The following CHST8 variants were observed in gnomAD, a reference collection of about 807,000 sequenced individuals.
CHST8 encodes the protein carbohydrate sulfotransferase 8.
CHST8 carries 10 observed loss-of-function variants against 15.0 expected under a neutral mutation model. The ratio of observed to expected loss-of-function variants is 0.67; its 90% CI spans 0.41 to 1.13. The LOEUF (loss-of-function observed/expected upper bound fraction) is 1.13, where lower values mean the gene tolerates loss of function less well. CHST8 is among the 50% of genes most tolerant of loss of function. The pLI is 0.00. For missense variants in CHST8, 634 were observed against 608.2 expected (o/e 1.04, Z -0.45); for synonymous variants, 259 against 256.6 (o/e 1.01, Z -0.09).
chr19:33,694,041 G>T (rs1019868704), intron 3 of CHST8, among the ~76,000 whole-genome samples: 43 of 127,570 alleles, frequency 3.4e-4, no homozygotes, highest in Admixed American at 1.7e-4. Context: ...TTTATTCATA[G>T]ATATGTATAT....
At chr19:33,685,354 C>T (rs1336746605) in intron 2 of CHST8, among the ~76,000 whole-genome samples, 2 of 143,234 alleles carry the variant, frequency 1.4e-5, no homozygotes. Flanking sequence ...TTAATTGGAT[C>T]TTTTTTTTTT....
chr19:33,753,039 G>C lies in CHST8; in HGVS notation c.131-18374G>C, dbSNP rs532427295. ...AAGCCACAGCCTTCCCTGCAGCCAG[G>C]GGGGTGCACTGGGGGCTGGGGGAAG... On this transcript the variant is annotated intron_variant, in intron 3 of 4. Coordinates refer to ENST00000650847, the MANE Select transcript of CHST8 (RefSeq NM_001127895.2). Among the ~76,000 whole-genome samples the C allele has an allele frequency of 3.3e-5, 5 of 152,250 alleles. No individual in the cohort carries two copies. In the South Asian group the frequency reaches 8.3e-4, roughly 25 times the overall value.
At chr19:33,681,369 G>C (rs900237941) in intron 2 of CHST8, among the ~76,000 whole-genome samples, 2 of 152,246 alleles carry the variant, frequency 1.3e-5, no homozygotes, top group Admixed American at 6.5e-5. Context: ...ACAAGGACAG[G>C]GTTGTCAAGA....
chr19:33,709,397 T>C (rs1973506317), intron 3 of CHST8, among the ~76,000 whole-genome samples: 1 of 151,998 alleles, frequency 6.6e-6, no homozygotes, highest in African/African-American at 2.4e-5. Flanking sequence ...TGTCTTCTAT[T>C]ACTAGTTTAT....
chr19:33,720,284 CACAT>C (rs915678010), intron 3 of CHST8, among the ~76,000 whole-genome samples: 37 of 151,842 alleles, frequency 2.4e-4, no homozygotes, highest in African/African-American at 8.7e-4. Context: ...AGGCCACACA[CACAT>C]ACACACTCCC....
chr19:33,769,821 C>T lies in CHST8; in HGVS notation c.131-1592C>T, dbSNP rs560512317. On this transcript the variant is annotated intron_variant, in intron 3 of 4. Transcript: ENST00000650847. ...GATCCCCCACATGCACGCATGTGCA[C>T]ATAAGCTTGGGAGTGCCCAGGAAGA... Among the ~76,000 whole-genome samples, 3 of 152,220 alleles carry T rather than the reference C, an allele frequency of 2.0e-5. No individual in the cohort carries two copies. The South Asian group carries it at 6.2e-4, about 32-fold the overall frequency.
In CHST8 at chr19:33,657,156, C is replaced by CACACAA. The variant is rs756944119; in HGVS notation, c.-163-10610_-163-10609insCACAAA. 3.7e-3 allele frequency among the ~76,000 whole-genome samples: 540 copies of CACACAA among 146,510 alleles called. 4 individuals carry two copies. The highest frequency in any genetic ancestry group is 0.012 in the East Asian group (63 of 5,152). ...ACACACACACACACACACACACACA[C>CACACAA]AAACACACATATACTTATACACACA... On this transcript the variant is annotated intron_variant, in intron 1 of 4. Transcript: ENST00000650847.
chr19:33,647,565 G>T (rs943940832), intron 1 of CHST8, among the ~76,000 whole-genome samples: 2 of 152,196 alleles, frequency 1.3e-5, no homozygotes, highest in Non-Finnish European at 1.5e-5. Flanking sequence ...GGGGAGATAG[G>T]CTTGGTGCGG....
At chr19:33,739,333 C>T (rs1974143480) in intron 3 of CHST8, among the ~76,000 whole-genome samples, 1 of 152,198 alleles carries the variant, frequency 6.6e-6, no homozygotes, top group South Asian at 2.1e-4. Flanking sequence ...CACAACATCC[C>T]CTGCCCTGCA....
intron 1 of CHST8, among the ~76,000 whole-genome samples, chr19:33,655,048 C>T (rs1039270540): frequency 6.6e-6 from 1 of 152,106 alleles, no homozygotes; most frequent in Non-Finnish European, 1.5e-5. Context: ...CACTTGAGCC[C>T]AGGAGTCTGA....
At chr19:33,727,948 G>A (rs991435976) in intron 3 of CHST8, among the ~76,000 whole-genome samples, 3 of 152,144 alleles carry the variant, frequency 2.0e-5, no homozygotes, top group East Asian at 1.9e-4. Flanking sequence ...GCCCAGCCCC[G>A]GCCCACACTC....
intron 1 of CHST8, among the ~76,000 whole-genome samples, chr19:33,667,348 A>C (rs149038714): frequency 6.6e-6 from 1 of 152,236 alleles, no homozygotes; most frequent in South Asian, 2.1e-4. Context: ...AGTCAGATCC[A>C]ATTCACACCC....
chr19:33,724,050 T>A (rs1973848052), intron 3 of CHST8, among the ~76,000 whole-genome samples: 1 of 152,120 alleles, frequency 6.6e-6, no homozygotes, highest in Non-Finnish European at 1.5e-5. Context: ...GGTGAGGTCT[T>A]GCGTCTCAGG....
intron 3 of CHST8, among the ~76,000 whole-genome samples, chr19:33,700,776 C>T (rs1973316941): frequency 6.6e-6 from 1 of 152,178 alleles, no homozygotes; most frequent in Non-Finnish European, 1.5e-5. Context: ...GAAAGCCAAG[C>T]CCCAGTTGCT....
rs757753329 is a variant in CHST8 at position 33,713,747 on chromosome 19, G to A, written c.130+24356G>A. On this transcript the variant is annotated intron_variant, in intron 3 of 4. Coordinates refer to ENST00000650847, the MANE Select transcript of CHST8 (RefSeq NM_001127895.2). Reference sequence around the variant, plus strand: ...GGCTAATTTTTGTGTTTTTAGTAGCGACAGGGTTTCACCATGTTGGCCAGG... The same window carrying A: ...GGCTAATTTTTGTGTTTTTAGTAGCAACAGGGTTTCACCATGTTGGCCAGG... Among the ~76,000 whole-genome samples, 6 of 152,032 alleles carry A rather than the reference G, an allele frequency of 3.9e-5. No individual in the cohort carries two copies. In the East Asian group the frequency reaches 7.7e-4, roughly 20 times the overall value.
rs1436125907 is a variant in CHST8 at position 33,772,864 on chromosome 19, T to C, written c.1076T>C (p.Leu359Pro). 1 of 1,613,400 alleles carries C rather than the reference T, an allele frequency of 6.2e-7. No individual in the cohort carries two copies. Among genetic ancestry groups the C allele is most frequent in the Non-Finnish European group, 8.5e-7 (1 of 1,180,044 alleles). ...ESMEDDANFFLSLIRAPRNLT... is the reference protein window; with the variant it reads ...ESMEDDANFFPSLIRAPRNLT... ...ATGGAGGACGATGCCAACTTCTTCCTGAGCCTCATCCGCGCGCCGCGGAAC... is the reference window on the plus strand; with the variant it reads ...ATGGAGGACGATGCCAACTTCTTCCCGAGCCTCATCCGCGCGCCGCGGAAC... Residue 359 changes from leucine (L) to proline (P), a missense_variant, in exon 5 of 5, where the codon CTG becomes CCG. Transcript: ENST00000650847.
intron 1 of CHST8, among the ~76,000 whole-genome samples, chr19:33,647,616 C>T (rs895833503): frequency 5.3e-5 from 8 of 151,942 alleles, no homozygotes; most frequent in East Asian, 3.9e-4. Context: ...GAGGCGGAGG[C>T]GGGTGGATCG....
At chr19:33,623,276 TG>T (rs1972009839) in intron 1 of CHST8, among the ~76,000 whole-genome samples, 1 of 152,206 alleles carries the variant, frequency 6.6e-6, no homozygotes, top group South Asian at 2.1e-4. Flanking sequence ...GCGCCGATCC[TG>T]GGGCTCTCTG....
At chr19:33,750,337 GGCACAC>G (rs1044586593) in intron 3 of CHST8, among the ~76,000 whole-genome samples, 1 of 152,174 alleles carries the variant, frequency 6.6e-6, no homozygotes, top group African/African-American at 2.4e-5. Flanking sequence ...CACCAGCATA[GGCACAC>G]GCTGGGACAG....
Sources: allele counts gnomAD v4.1 joint callset (sites outside exome capture counted in the v4.1 genomes callset), GRCh38; gene constraint gnomAD v4.1.1; transcripts MANE v1.5; gene names NCBI Gene and HGNC (gene_info 2026-07-23, HGNC 2026-07-21).